Variants in LRMDA observed in about 807,000 individuals in gnomAD.
The protein encoded by LRMDA is leucine rich melanocyte differentiation associated.
Under a neutral mutation model 29.8 loss-of-function variants are expected in LRMDA, and 18 were observed. The ratio of observed to expected loss-of-function variants is 0.60; its 90% CI spans 0.42 to 0.90. The LOEUF is 0.90. LRMDA is among the 40% of genes least tolerant of loss of function. The pLI is 0.00. For missense variants in LRMDA, 273 were observed against 273.9 expected (o/e 1.00, Z 0.02); for synonymous variants, 125 against 109.4 (o/e 1.14, Z -0.89).
intron 6 of LRMDA, among the ~76,000 whole-genome samples, chr10:76,422,953 C>T (rs1164375460): frequency 6.6e-6 from 1 of 152,246 alleles, no homozygotes; most frequent in Non-Finnish European, 1.5e-5. Flanking sequence ...AACTGTACAA[C>T]TCAATCCTGC....
intron 2 of LRMDA, among the ~76,000 whole-genome samples, chr10:75,504,290 C>T (rs886796275): frequency 1.3e-5 from 2 of 152,128 alleles, no homozygotes; most frequent in African/African-American, 4.8e-5. Context: ...CACGGCACCC[C>T]ATATTTGTTG....
intron 2 of LRMDA, among the ~76,000 whole-genome samples, chr10:76,024,481 T>A (rs1384425987): frequency 6.6e-6 from 1 of 152,208 alleles, no homozygotes; most frequent in Non-Finnish European, 1.5e-5. Flanking sequence ...GCAAGCCACT[T>A]TTGGAGGTCA....
chr10:75,715,678 T>C (rs1275963829), intron 2 of LRMDA, among the ~76,000 whole-genome samples: 1 of 152,220 alleles, frequency 6.6e-6, no homozygotes, highest in Non-Finnish European at 1.5e-5. Context: ...TTTTTTTACC[T>C]ATATAAATAT....
intron 5 of LRMDA, among the ~76,000 whole-genome samples, chr10:76,261,504 A>G (rs1247475): frequency 0.58 from 88,535 of 151,970 alleles, 25,879 homozygotes; most frequent in South Asian, 0.65. Flanking sequence ...ATGACACCCT[A>G]GTTGTTACAA....
intron 2 of LRMDA, among the ~76,000 whole-genome samples, chr10:75,804,372 T>C (rs1262146350): frequency 2.6e-5 from 4 of 152,200 alleles, no homozygotes; most frequent in Non-Finnish European, 5.9e-5. Flanking sequence ...GAGCCTGGTG[T>C]CACGGCGATG....
chr10:75,847,510 C>T (rs928135890), intron 2 of LRMDA, among the ~76,000 whole-genome samples: 1 of 152,120 alleles, frequency 6.6e-6, no homozygotes, highest in African/African-American at 2.4e-5. Context: ...ACAAATGGAA[C>T]TACATCCAAC....
intron 6 of LRMDA, among the ~76,000 whole-genome samples, chr10:76,449,399 T>C (rs1325042618): frequency 6.6e-6 from 1 of 151,916 alleles, no homozygotes; most frequent in Admixed American, 6.5e-5. Context: ...AAATATTATC[T>C]TCTTTTCCCA....
At chr10:76,359,828 T>C (rs1034126594) in intron 6 of LRMDA, among the ~76,000 whole-genome samples, 10 of 152,160 alleles carry the variant, frequency 6.6e-5, no homozygotes, top group Non-Finnish European at 1.5e-4. Context: ...TTTTGGATAA[T>C]AATAGAAAAA....
At chr10:75,582,474 G>A (rs1000173036) in intron 2 of LRMDA, among the ~76,000 whole-genome samples, 1 of 152,206 alleles carries the variant, frequency 6.6e-6, no homozygotes, top group African/African-American at 2.4e-5. Flanking sequence ...GCCATGACTG[G>A]AGCTGGAGTG....
chr10:76,085,112 G>T (rs758615213), intron 5 of LRMDA, among the ~76,000 whole-genome samples: 15 of 152,138 alleles, frequency 9.9e-5, no homozygotes, highest in Admixed American at 2.0e-4. Context: ...AGGTTGTAAA[G>T]AATATGCTCA....
chr10:75,724,571 C>T (rs981913780), intron 2 of LRMDA, among the ~76,000 whole-genome samples: 2 of 152,054 alleles, frequency 1.3e-5, no homozygotes, highest in African/African-American at 2.4e-5. Context: ...GGGGAGAAAG[C>T]GCAGGATTCA....
At chr10:76,185,845 G>A (rs1049398999) in intron 5 of LRMDA, among the ~76,000 whole-genome samples, 6 of 152,048 alleles carry the variant, frequency 3.9e-5, no homozygotes, top group Admixed American at 2.6e-4. Context: ...GTTGCTGTTC[G>A]ACTGCCAGAA....
At chr10:75,918,053 G>T (rs1242944005) in intron 2 of LRMDA, among the ~76,000 whole-genome samples, 1 of 152,092 alleles carries the variant, frequency 6.6e-6, no homozygotes, top group African/African-American at 2.4e-5. Flanking sequence ...GACAAAGCAG[G>T]ACTATGAGAA....
Position 75,973,777 on chromosome 10 carries a change from C to T in LRMDA, c.132-62231C>T, listed in dbSNP as rs564889853. On this transcript the variant is annotated intron_variant, in intron 2 of 6. Transcript: ENST00000611255. ...GAATTAAGATGAATAATGACAGCACCGTGACTTGGGGGCGGTGGGGTAGTG... is the reference window on the plus strand; with the variant it reads ...GAATTAAGATGAATAATGACAGCACTGTGACTTGGGGGCGGTGGGGTAGTG... Among the ~76,000 whole-genome samples the T allele has an allele frequency of 5.3e-5, 8 of 152,120 alleles. No homozygotes were observed. The East Asian group carries it at 1.2e-3, about 22-fold the overall frequency.
At chr10:75,664,850 C>G (rs1335809133) in intron 2 of LRMDA, among the ~76,000 whole-genome samples, 1 of 152,174 alleles carries the variant, frequency 6.6e-6, no homozygotes, top group African/African-American at 2.4e-5. Context: ...AGAGTGTCCA[C>G]TGCATATAGA....
At position 75,462,367 on chromosome 10, in the gene LRMDA, G is replaced by T. The variant is rs966104344; in HGVS notation, c.131+23873G>T. 8.7e-4 allele frequency among the ~76,000 whole-genome samples: 133 copies of T among 152,344 alleles called. 2 individuals are homozygous for T. The highest frequency in any genetic ancestry group is 6.6e-4 in the Non-Finnish European group (45 of 68,034). ...ATTGGTGCCTTTACATCAGCGGCAG[G>T]TGTAGTCTCTTTTGTTTTTTGTTGG... is the stretch of plus-strand genomic sequence containing the variant. On this transcript the variant is annotated intron_variant, in intron 2 of 6. Coordinates refer to ENST00000611255, the MANE Select transcript of LRMDA (RefSeq NM_001305581.2).
intron 6 of LRMDA, among the ~76,000 whole-genome samples, chr10:76,467,799 T>C (rs1177533226): frequency 6.6e-6 from 1 of 152,162 alleles, no homozygotes; most frequent in African/African-American, 2.4e-5. Context: ...ATGACAGATA[T>C]TTGGCATGCC....
At chr10:75,451,593 G>A (rs1844460569) in intron 2 of LRMDA, 1 of 152,184 alleles carries the variant, frequency 6.6e-6, no homozygotes, top group East Asian at 1.9e-4. Flanking sequence ...ACAACTGGCA[G>A]GGCTGTTTTT....
chr10:75,582,860 T>C (rs138151242), intron 2 of LRMDA, among the ~76,000 whole-genome samples: 1 of 152,358 alleles, frequency 6.6e-6, no homozygotes, highest in Non-Finnish European at 1.5e-5. Context: ...AGCCAGGCCA[T>C]ACTGAACACT....
Sources: allele counts gnomAD v4.1 joint callset (sites outside exome capture counted in the v4.1 genomes callset), GRCh38; gene constraint gnomAD v4.1.1; transcripts MANE v1.5; gene names NCBI Gene and HGNC (gene_info 2026-07-23, HGNC 2026-07-21).